MCF2L: variants seen among roughly 807,000 people sequenced by gnomAD.
MCF2L encodes the protein guanine nucleotide exchange factor DBS.
MCF2L carries 97 observed loss-of-function variants against 153.4 expected under a neutral mutation model. That is an observed-to-expected ratio of 0.63 (90% CI 0.54 to 0.75). The LOEUF (loss-of-function observed/expected upper bound fraction) is 0.75, where lower values mean the gene tolerates loss of function less well. MCF2L is among the 30% of genes least tolerant of loss of function. The pLI, the probability that MCF2L is intolerant of heterozygous loss-of-function variation, is 0.00. For missense variants in MCF2L, 1,347 were observed against 1,495.2 expected, an observed-to-expected ratio of 0.90 and a Z score of 1.64; for synonymous variants, 659 against 632.2, an observed-to-expected ratio of 1.04 and a Z score of -0.64.
At chr13:112,982,966 C>T (rs895866885) in intron 1 of MCF2L, among the ~76,000 whole-genome samples, 7 of 152,054 alleles carry the variant, frequency 4.6e-5, no homozygotes, top group Non-Finnish European at 8.8e-5. Flanking sequence ...GGGCGCAGCT[C>T]GTCCCCGAGT....
intron 4 of MCF2L, among the ~76,000 whole-genome samples, chr13:113,050,744 CGGGGGGG>C (rs2087233087): frequency 2.9e-4 from 1 of 3,458 alleles, no homozygotes; most frequent in Non-Finnish European, 6.5e-4. Flanking sequence ...GCGGGGGGAG[CGGGGGGG>C]TGCGGGGGGC....
intron 2 of MCF2L, among the ~76,000 whole-genome samples, chr13:112,918,890 G>A (rs901732642): frequency 5.3e-5 from 8 of 151,984 alleles, no homozygotes; most frequent in Admixed American, 6.6e-5. Context: ...TGGATTACAC[G>A]GATTCTTGAA....
chr13:113,023,096 C>T (rs375541217), intron 2 of MCF2L, among the ~76,000 whole-genome samples: 167 of 152,302 alleles, frequency 1.1e-3, no homozygotes, highest in African/African-American at 3.3e-3. Flanking sequence ...TGCAGCATTG[C>T]GGGGACTGAG....
At chr13:112,953,637 G>A (rs1320918714) in intron 2 of MCF2L, among the ~76,000 whole-genome samples, 1 of 152,220 alleles carries the variant, frequency 6.6e-6, no homozygotes, top group Non-Finnish European at 1.5e-5. Flanking sequence ...GGTTCTAGAG[G>A]CCTGGGCAGG....
At chr13:113,063,908 T>C (rs960568112) in intron 5 of MCF2L, 9 of 449,434 alleles carry the variant, frequency 2.0e-5, no homozygotes, top group African/African-American at 1.8e-4. Context: ...AAACCCATTT[T>C]GACGGCTTGC....
In MCF2L at chr13:113,055,446, C is replaced by G. The variant is rs2087698104; in HGVS notation, c.370-5147C>G. Among the ~76,000 whole-genome samples the G allele has an allele frequency of 1.5e-5, 2 of 131,128 alleles. 1 individual carries two copies. Among genetic ancestry groups the G allele is most frequent in the Admixed American group, 1.6e-4 (2 of 12,222 alleles). The allele number at this position is 131,128 out of a possible 152,430, so 86.0% of individuals were successfully genotyped here. On this transcript the variant is annotated intron_variant, in intron 4 of 29. Transcript: ENST00000535094. The stretch of plus-strand genomic sequence containing the variant: ...CACACACACACACACACACACACAC[C>G]TGGCTTCATCTCTGAGCTTCAGGCT...
Position 112,951,226 on chromosome 13 carries a change from A to G in MCF2L, c.169+48855A>G, listed in dbSNP as rs2081689946. Among the ~76,000 whole-genome samples, 1 of 152,216 alleles carries G rather than the reference A, an allele frequency of 6.6e-6. No homozygotes were observed. Among genetic ancestry groups the G allele is most frequent in the Non-Finnish European group, 1.5e-5 (1 of 68,042 alleles). On this transcript the variant is annotated intron_variant, in intron 2 of 29. Coordinates refer to the MCF2L transcript ENST00000375608. This position sits in a 1 kb window ranked among gnomAD's most constrained non-coding sequence, Gnocchi z 4.8. ...TTCGAATGCTGGCAGGGATGTGGAT[A>G]AACTGGGTTACTCCTAAGTTGCTGG...
At chr13:112,898,659 C>T (rs1036669481) in intron 1 of MCF2L, among the ~76,000 whole-genome samples, 6 of 152,130 alleles carry the variant, frequency 3.9e-5, no homozygotes, top group African/African-American at 9.7e-5. Flanking sequence ...ATTTGCTATT[C>T]GGCTGCCTGT....
rs868366358 is a variant in MCF2L, at chr13:112,969,801, A to G, written c.79+343A>G. Among the ~76,000 whole-genome samples, 13 of 152,234 alleles carry G rather than the reference A, an allele frequency of 8.5e-5. No individual in the cohort carries two copies. The Middle Eastern group carries it at 0.01, about 119-fold the overall frequency. Reference sequence around the variant, plus strand: ...TGCATTGCGAATGGAGAATGATCTGAGCCAAGGGCTTTCAGAGCTTGGGGT... The same window carrying G: ...TGCATTGCGAATGGAGAATGATCTGGGCCAAGGGCTTTCAGAGCTTGGGGT... On this transcript the variant is annotated intron_variant, in intron 1 of 29. Coordinates refer to ENST00000535094, the MANE Select transcript of MCF2L (RefSeq NM_001112732.3). This position sits in a 1 kb window ranked among gnomAD's most constrained non-coding sequence, Gnocchi z 4.8.
chr13:112,941,685 G>A lies in MCF2L; in HGVS notation c.169+39314G>A, dbSNP rs2140668067. On this transcript the variant is annotated intron_variant, in intron 2 of 29. Transcript: ENST00000375608. The surrounding 1 kb of genome is among the most constrained non-coding windows in gnomAD (Gnocchi z 4.9). ...AGGCAAGAGACCAAGGGCACGAGCT[G>A]TTCCAGTATAATAAAATATATAAAA... Among the ~76,000 whole-genome samples the A allele has an allele frequency of 6.6e-6, 1 of 152,158 alleles. No homozygotes were observed. Among genetic ancestry groups the A allele is most frequent in the South Asian group, 2.1e-4 (1 of 4,828 alleles).
At chr13:113,002,144 T>A (rs2083417619) in intron 1 of MCF2L, among the ~76,000 whole-genome samples, 1 of 151,750 alleles carries the variant, frequency 6.6e-6, no homozygotes, top group East Asian at 2.0e-4. Flanking sequence ...GATGTTGGGG[T>A]GGGTGCCTCC....
At chr13:113,041,400 G>C (rs1232485164) in intron 3 of MCF2L, among the ~76,000 whole-genome samples, 1 of 152,184 alleles carries the variant, frequency 6.6e-6, no homozygotes, top group African/African-American at 2.4e-5. Flanking sequence ...CCGTGGGGGG[G>C]CGGGGAATCA....
intron 27 of MCF2L, chr13:113,096,033 A>C (rs2035618488): frequency 2.3e-6 from 1 of 436,408 alleles, no homozygotes; most frequent in South Asian, 2.4e-5. Flanking sequence ...TCAGCAAAGC[A>C]GCATGGAAAT....
chr13:112,908,062 T>G (rs2081190186), intron 2 of MCF2L, among the ~76,000 whole-genome samples: 1 of 152,236 alleles, frequency 6.6e-6, no homozygotes, highest in Non-Finnish European at 1.5e-5. Flanking sequence ...ATTCCTAATT[T>G]TTTTAAGACA....
At position 113,096,919 on chromosome 13, in the gene MCF2L, G is replaced by A; in HGVS notation, c.*60G>A. ...GGGGCTGCGGTGGCGTGGGGAGGGC[G>A]CGGCCCCCGGACGCCCCGAGGAAGG... On this transcript the variant is annotated 3_prime_UTR_variant, in exon 30 of 30. Coordinates refer to ENST00000535094, the MANE Select transcript of MCF2L (RefSeq NM_001112732.3). 1.7e-6 allele frequency: 2 copies of A among 1,201,382 alleles called. No individual in the cohort carries two copies. The highest frequency in any genetic ancestry group is 2.1e-6 in the Non-Finnish European group (2 of 937,576). 74.4% of individuals were successfully genotyped at this position (1,201,382 alleles called of 1,614,324 possible). A position where few individuals can be genotyped will look rare whatever the true frequency, so the allele number is the denominator to read the frequency against.
chr13:112,901,910 G>A (rs925929701), intron 1 of MCF2L, among the ~76,000 whole-genome samples: 5 of 152,314 alleles, frequency 3.3e-5, no homozygotes, highest in South Asian at 2.1e-4. Context: ...GGAAAACCTC[G>A]GTTGTTGTTG....
At chr13:113,033,163 G>A (rs373002600) in intron 3 of MCF2L, among the ~76,000 whole-genome samples, 82 of 115,962 alleles carry the variant, frequency 7.1e-4, no homozygotes, top group Admixed American at 1.2e-3. Context: ...ACCCCGTGGC[G>A]TGAGTGGCCC....
At chr13:112,927,500 C>T (rs1387403489) in intron 2 of MCF2L, among the ~76,000 whole-genome samples, 3 of 152,066 alleles carry the variant, frequency 2.0e-5, no homozygotes, top group Non-Finnish European at 4.4e-5. Flanking sequence ...ATGTTTCCAA[C>T]GAGCCTACAA....
At position 113,096,934 on chromosome 13, in the gene MCF2L, C is replaced by T. The variant is rs1306801075; in HGVS notation, c.*75C>T. ...TGGGGAGGGCGCGGCCCCCGGACGC[C>T]CCGAGGAAGGGGCACCTCACCGCCC... On this transcript the variant is annotated 3_prime_UTR_variant, in exon 30 of 30. Coordinates refer to ENST00000535094, the MANE Select transcript of MCF2L (RefSeq NM_001112732.3). 2.1e-5 allele frequency: 23 copies of T among 1,106,472 alleles called. No homozygotes were observed. Among genetic ancestry groups the T allele is most frequent in the Non-Finnish European group, 2.6e-5 (22 of 854,328 alleles). 68.5% of individuals were successfully genotyped at this position (1,106,472 alleles called of 1,614,324 possible). A position where few individuals can be genotyped will look rare whatever the true frequency, so the allele number is the denominator to read the frequency against.
Sources: allele counts gnomAD v4.1 joint callset (sites outside exome capture counted in the v4.1 genomes callset), GRCh38; gene constraint gnomAD v4.1.1; non-coding constraint Gnocchi (gnomAD v3.1); transcripts MANE v1.5; gene names NCBI Gene and HGNC (gene_info 2026-07-23, HGNC 2026-07-21).